The following HIPK3 variants were observed in gnomAD, a reference collection of about 807,000 sequenced individuals.
HIPK3 encodes the protein homeodomain-interacting protein kinase 3.
A neutral mutation model predicts 124.2 loss-of-function variants in HIPK3; 47 were observed. The ratio of observed to expected loss-of-function variants is 0.38; its 90% CI spans 0.30 to 0.48. The LOEUF (loss-of-function observed/expected upper bound fraction) is 0.48. Among genes scored for constraint, HIPK3 ranks in the 20% least tolerant of loss-of-function variants. HIPK3 has a pLI of 0.98. For missense variants in HIPK3, 1,286 were observed against 1,454.3 expected, an observed-to-expected ratio of 0.88 and a Z score of 1.88; for synonymous variants, 482 against 515.2, an observed-to-expected ratio of 0.94 and a Z score of 0.87.
intron 8 of HIPK3, among the ~76,000 whole-genome samples, chr11:33,347,092 A>G (rs1261554549): frequency 1.3e-5 from 2 of 151,954 alleles, no homozygotes; most frequent in African/African-American, 2.4e-5. Flanking sequence ...TTGAGGTGGG[A>G]GGATCCACTT....
At chr11:33,316,832 C>T (rs1181035888) in intron 2 of HIPK3, among the ~76,000 whole-genome samples, 1 of 151,864 alleles carries the variant, frequency 6.6e-6, no homozygotes, top group Admixed American at 6.6e-5. Context: ...AAAACAACAA[C>T]AAAAAACCCA....
intron 1 of HIPK3, among the ~76,000 whole-genome samples, chr11:33,262,498 C>T (rs890727844): frequency 6.6e-6 from 1 of 152,182 alleles, no homozygotes; most frequent in Non-Finnish European, 1.5e-5. Context: ...CACTGTTATG[C>T]CAGGGACCTA....
chr11:33,328,779 T>G (rs266491), intron 3 of HIPK3, 146 bp downstream of exon 3: 1 of 637,720 alleles, frequency 1.6e-6, no homozygotes, highest in Non-Finnish European at 2.5e-6. Context: ...AGAATTGATT[T>G]TGAAAACTGT....
intron 2 of HIPK3, among the ~76,000 whole-genome samples, chr11:33,324,246 TA>T (rs1422470194): frequency 6.6e-6 from 1 of 152,210 alleles, no homozygotes; most frequent in Non-Finnish European, 1.5e-5. Context: ...GTTTATTTTT[TA>T]AAGTGTATTG....
intron 2 of HIPK3, among the ~76,000 whole-genome samples, chr11:33,324,549 G>C (rs1852756271): frequency 6.6e-6 from 1 of 152,202 alleles, no homozygotes; most frequent in Admixed American, 6.5e-5. Flanking sequence ...TCCCCTTCAA[G>C]AGAGTCCCCT....
chr11:33,317,656 T>A (rs180800486), intron 2 of HIPK3, among the ~76,000 whole-genome samples: 40 of 152,346 alleles, frequency 2.6e-4, no homozygotes, highest in Admixed American at 2.5e-3. Flanking sequence ...CCAGGTTGAT[T>A]CCTCATTGAT....
intron 3 of HIPK3, among the ~76,000 whole-genome samples, chr11:33,330,583 T>G (rs1380445601): frequency 6.6e-6 from 1 of 152,186 alleles, no homozygotes; most frequent in Non-Finnish European, 1.5e-5. Flanking sequence ...TGCCTCAGCC[T>G]CCCAAAGTGT....
chr11:33,320,188 A>G (rs781219358), intron 2 of HIPK3, among the ~76,000 whole-genome samples: 3 of 152,220 alleles, frequency 2.0e-5, no homozygotes, highest in Admixed American at 2.0e-4. Context: ...CTTGTAGGCC[A>G]TTGTGAGGAA....
intron 12 of HIPK3, 71 bp downstream of exon 12, chr11:33,348,299 G>A (rs892331486): frequency 2.9e-6 from 4 of 1,382,062 alleles, no homozygotes; most frequent in Non-Finnish European, 4.1e-6. Context: ...CATTCAGATA[G>A]CACATTTACC....
chr11:33,257,816 G>C lies in HIPK3; in HGVS notation c.-76G>C. On this transcript the variant is annotated 5_prime_UTR_variant, in exon 1 of 17. Transcript: ENST00000303296. ...GCGCCTGGCTCCCGGTCCCCGGCACGGCCCTGCGCCCCACCCCGGACATGC... is the reference window on the plus strand; with the variant it reads ...GCGCCTGGCTCCCGGTCCCCGGCACCGCCCTGCGCCCCACCCCGGACATGC... 3 of 986,230 alleles carry C rather than the reference G, an allele frequency of 3.0e-6. No individual in the cohort carries two copies. The highest frequency in any genetic ancestry group is 3.6e-6 in the Non-Finnish European group (3 of 830,602). 61.1% of individuals were successfully genotyped at this position (986,230 alleles called of 1,614,324 possible).
intron 2 of HIPK3, among the ~76,000 whole-genome samples, chr11:33,305,121 T>C (rs966625943): frequency 6.6e-6 from 1 of 152,170 alleles, no homozygotes; most frequent in African/African-American, 2.4e-5. Flanking sequence ...CTGCTTCAGC[T>C]TCCCAAGTAG....
In HIPK3 at chr11:33,348,229, G is replaced by T; in HGVS notation, c.2369+1G>T. On this transcript the variant is annotated splice_donor_variant, in intron 12 of 16. Transcript: ENST00000303296. LOFTEE classifies it high-confidence loss of function. ...GAGAGGAAATAAATGCTTTCAGTTG[G>T]TAAGATTGTCTTTATTGCCCTTTTG... is the stretch of plus-strand genomic sequence containing the variant. The T allele has an allele frequency of 6.2e-7, 1 of 1,612,772 alleles. No homozygotes were observed. Among genetic ancestry groups the T allele is most frequent in the Non-Finnish European group, 8.5e-7 (1 of 1,178,986 alleles).
upstream of HIPK3, chr11:33,256,766 A>T: frequency 6.3e-6 from 6 of 955,406 alleles, no homozygotes; most frequent in Non-Finnish European, 7.5e-6. Flanking sequence ...GGCGAACTTC[A>T]CAATTATGGG....
intron 8 of HIPK3, among the ~76,000 whole-genome samples, chr11:33,341,998 G>T (rs1050864056): frequency 2.0e-5 from 3 of 151,386 alleles, no homozygotes; most frequent in Non-Finnish European, 4.4e-5. Flanking sequence ...CTACTCGGGA[G>T]GCTGAAGCTG....
rs545689632 is a variant in HIPK3 at position 33,354,229 on chromosome 11, A to C, written c.*661A>C. The stretch of plus-strand genomic sequence containing the variant: ...GTTTCCTTTTGATAGCGTAATGTTC[A>C]TTTTTGTTTTTGTGTGGTATGATTT... On this transcript the variant is annotated 3_prime_UTR_variant, in exon 17 of 17. Transcript: ENST00000303296. 2.6e-5 allele frequency: 4 copies of C among 152,648 alleles called. No individual in the cohort carries two copies. The highest frequency in any genetic ancestry group is 5.9e-5 in the Non-Finnish European group (4 of 67,986). 9.5% of individuals were successfully genotyped at this position (152,648 alleles called of 1,614,324 possible).
At chr11:33,270,158 C>T (rs1851084501) in intron 1 of HIPK3, among the ~76,000 whole-genome samples, 1 of 150,700 alleles carries the variant, frequency 6.6e-6, no homozygotes, top group East Asian at 2.0e-4. Context: ...TTTGTATTTG[C>T]AGTAGAAATG....
chr11:33,264,467 G>C (rs888771760), intron 1 of HIPK3, among the ~76,000 whole-genome samples: 2 of 137,426 alleles, frequency 1.5e-5, no homozygotes, highest in Admixed American at 1.5e-4. Context: ...TTCTAATCTA[G>C]TTGGAAAAAA....
chr11:33,257,369 G>C, upstream of HIPK3: 3 of 984,894 alleles, frequency 3.0e-6, no homozygotes, highest in Non-Finnish European at 3.6e-6. Flanking sequence ...GGGGCCCGAG[G>C]CTGGGGCGGC....
intron 4 of HIPK3, 113 bp from the exon 5 acceptor site, chr11:33,338,644 C>T: frequency 1.9e-6 from 1 of 527,522 alleles, no homozygotes; most frequent in Non-Finnish European, 3.1e-6. Flanking sequence ...TTGATAGTGT[C>T]TCTTTTGAAA....
Sources: allele counts gnomAD v4.1 joint callset (sites outside exome capture counted in the v4.1 genomes callset), GRCh38; gene constraint gnomAD v4.1.1; transcripts MANE v1.5; gene names NCBI Gene and HGNC (gene_info 2026-07-23, HGNC 2026-07-21).